CHD2: variants seen among roughly 807,000 people sequenced by gnomAD.
The protein encoded by CHD2 is ATP-dependent chromatin remodeler CHD2.
Under a neutral mutation model 243.9 loss-of-function variants are expected in CHD2, and 28 were observed. That is an observed-to-expected ratio of 0.11 (90% CI 0.09 to 0.16). The LOEUF is 0.16. Among genes scored for constraint, CHD2 ranks in the 10% least tolerant of loss-of-function variants. The probability of loss-of-function intolerance (pLI) is 1.00; values close to 1 mark genes in which losing one functional copy is unlikely to be tolerated. For synonymous variants in CHD2, 775 were observed against 779.0 expected, an observed-to-expected ratio of 0.99 and a Z score of 0.09; for missense variants, 1,386 against 2,209.8, an observed-to-expected ratio of 0.63 and a Z score of 7.47.
intron 5 of CHD2, among the ~76,000 whole-genome samples, chr15:92,929,369 C>A (rs989962927): frequency 3.9e-5 from 6 of 152,034 alleles, no homozygotes; most frequent in African/African-American, 2.4e-5. Flanking sequence ...ACCCAATTAG[C>A]CCATTGATTT....
At chr15:92,933,225 T>C (rs2053206965) in intron 5 of CHD2, among the ~76,000 whole-genome samples, 1 of 152,142 alleles carries the variant, frequency 6.6e-6, no homozygotes. Context: ...TTTTAAAGCT[T>C]AGAAGAAGTT....
At chr15:92,902,252 G>A (rs1424348940) in intron 2 of CHD2, 5 of 397,732 alleles carry the variant, frequency 1.3e-5, no homozygotes, top group Non-Finnish European at 1.3e-5. Context: ...ACATTCCTTG[G>A]AGTACCTTGT....
chr15:92,940,901 T>G (rs1009002538), intron 7 of CHD2, among the ~76,000 whole-genome samples: 19 of 86,642 alleles, frequency 2.2e-4, no homozygotes, highest in Non-Finnish European at 3.7e-4. Flanking sequence ...AAAATATATA[T>G]AAATATATAT....
At chr15:92,918,007 ACCAGTTCGGCCAT>A (rs1173289446) in intron 2 of CHD2, among the ~76,000 whole-genome samples, 2 of 152,236 alleles carry the variant, frequency 1.3e-5, no homozygotes, top group Non-Finnish European at 2.9e-5. Flanking sequence ...AGCTCTGCCA[ACCAGTTCGGCCAT>A]TTTGTAAGTT....
At chr15:92,913,977 A>G (rs1042121276) in intron 2 of CHD2, among the ~76,000 whole-genome samples, 3 of 152,232 alleles carry the variant, frequency 2.0e-5, no homozygotes, top group Admixed American at 1.3e-4. Context: ...TCTTACTCCC[A>G]TGACGTTATG....
chr15:92,984,002 T>G (rs1245576372), intron 24 of CHD2, among the ~76,000 whole-genome samples: 1 of 152,204 alleles, frequency 6.6e-6, no homozygotes, highest in Non-Finnish European at 1.5e-5. Flanking sequence ...TAAATAAATC[T>G]AAATTTTATC....
At chr15:92,930,569 C>T (rs534380046) in intron 5 of CHD2, among the ~76,000 whole-genome samples, 3 of 152,174 alleles carry the variant, frequency 2.0e-5, no homozygotes, top group African/African-American at 7.2e-5. Context: ...GCTGGGACTA[C>T]AGGCATGTGC....
rs1437599821 is a variant in CHD2 at position 93,024,678 on chromosome 15, T to G, written c.5460T>G (p.Asp1820Glu). The G allele has an allele frequency of 6.2e-7, 1 of 1,612,552 alleles. No individual in the cohort carries two copies. The highest frequency in any genetic ancestry group is 8.5e-7 in the Non-Finnish European group (1 of 1,179,156). The change falls in exon 39 of 39, where the codon GAT becomes GAG. Residue 1820 changes from aspartate (D) to glutamate (E), a missense_variant. Transcript: ENST00000394196. ...CACTAGAACAGAAAAACAACCCAGATTATAACTGGAATGTTCGGAAAACAT... is the reference window on the plus strand; with the variant it reads ...CACTAGAACAGAAAAACAACCCAGAGTATAACTGGAATGTTCGGAAAACAT... ...ERSLEQKNNP[D>E]YNWNVRKT
chr15:92,967,920 C>T (rs180741255), intron 17 of CHD2, among the ~76,000 whole-genome samples: 4 of 151,964 alleles, frequency 2.6e-5, no homozygotes, highest in African/African-American at 7.2e-5. Flanking sequence ...TGTATATCTC[C>T]GTTTGTGCAT....
chr15:92,911,739 A>G (rs552460115), intron 2 of CHD2, among the ~76,000 whole-genome samples: 1 of 152,186 alleles, frequency 6.6e-6, no homozygotes, highest in Non-Finnish European at 1.5e-5. Context: ...TGTCCCCCCA[A>G]CCCCTGCCCA....
At position 92,902,973 on chromosome 15, in the gene CHD2, T is replaced by A. The variant is rs142774772; in HGVS notation, c.62+1674T>A. On this transcript the variant is annotated intron_variant, in intron 2 of 38. Transcript: ENST00000394196. ...AACTACCTGGAAGTTGTCAGGCATTTGCTTACTGGTAGTGGAGGTTACAGC... is the reference window on the plus strand; with the variant it reads ...AACTACCTGGAAGTTGTCAGGCATTAGCTTACTGGTAGTGGAGGTTACAGC... 3.5e-3 allele frequency among the ~76,000 whole-genome samples: 536 copies of A among 152,338 alleles called. 2 individuals carry two copies. The highest frequency in any genetic ancestry group is 7.3e-3 in the Admixed American group (112 of 15,300).
At position 92,911,535 on chromosome 15, in the gene CHD2, C is replaced by G. The variant is rs190509281; in HGVS notation, c.62+10236C>G. Among the ~76,000 whole-genome samples, 831 of 152,146 alleles carry G rather than the reference C, an allele frequency of 5.5e-3. 7 individuals carry two copies. Among genetic ancestry groups the G allele is most frequent in the African/African-American group, 0.018 (768 of 41,526 alleles). On this transcript the variant is annotated intron_variant, in intron 2 of 38. Coordinates refer to ENST00000394196, the MANE Select transcript of CHD2 (RefSeq NM_001271.4). Reference sequence around the variant, plus strand: ...GGCAGATCACTTGAGGCCAGGAGTTCGAGACCAGCCTGGCCAACATGGTGA... The same window carrying G: ...GGCAGATCACTTGAGGCCAGGAGTTGGAGACCAGCCTGGCCAACATGGTGA...
At chr15:92,918,326 CTG>C (rs1325120291) in intron 2 of CHD2, among the ~76,000 whole-genome samples, 6 of 152,208 alleles carry the variant, frequency 3.9e-5, no homozygotes, top group South Asian at 4.1e-4. Flanking sequence ...TGATTGGAAT[CTG>C]AATTCCCAGT....
chr15:93,004,107 G>C (rs78320151), intron 33 of CHD2, among the ~76,000 whole-genome samples: 4,508 of 144,554 alleles, frequency 0.031, 122 homozygotes, highest in South Asian at 0.14. Flanking sequence ...CAGGATGACA[G>C]AGCGAGAATC....
intron 5 of CHD2, among the ~76,000 whole-genome samples, chr15:92,933,042 C>T (rs1353705087): frequency 7.1e-6 from 1 of 141,822 alleles, no homozygotes; most frequent in Admixed American, 7.0e-5. Flanking sequence ...GCGCCCGGCC[C>T]CTTTTTTTTT....
intron 3 of CHD2, among the ~76,000 whole-genome samples, chr15:92,924,887 G>A (rs1177867773): frequency 6.6e-6 from 1 of 152,004 alleles, no homozygotes; most frequent in Non-Finnish European, 1.5e-5. Flanking sequence ...TGCAATCTCC[G>A]CCTCCCAGGT....
At chr15:92,966,219 A>G (rs750775870) in intron 16 of CHD2, among the ~76,000 whole-genome samples, 13 of 151,558 alleles carry the variant, frequency 8.6e-5, no homozygotes, top group Non-Finnish European at 1.5e-4. Context: ...ACTTGCCACC[A>G]TGCCCAGCTA....
chr15:92,961,970 C>T (rs1014683151), intron 16 of CHD2, among the ~76,000 whole-genome samples: 3 of 145,024 alleles, frequency 2.1e-5, no homozygotes, highest in African/African-American at 7.5e-5. Context: ...CAACCTCCGC[C>T]TTCCAGTTTC....
In CHD2 at chr15:92,927,276, C is replaced by G. The variant is rs781612109; in HGVS notation, c.327C>G (p.Val109=). Residue 109 remains valine, a synonymous_variant, in exon 4 of 39, where the codon GTC becomes GTG. Transcript: ENST00000394196. ...MWEEYPDVYG[V]RRSNRSRQEP... ...AAGAATATCCTGATGTTTATGGGGT[C>G]AGGCGGTCAAACCGAAGCAGACAAG... 6.2e-7 allele frequency: 1 copy of G among 1,613,664 alleles called. No homozygotes were observed. Among genetic ancestry groups the G allele is most frequent in the African/African-American group, 1.3e-5 (1 of 74,984 alleles).
Sources: gnomAD v4.1 joint callset for allele counts (sites outside exome capture counted in the v4.1 genomes callset) on GRCh38, gnomAD v4.1.1 for gene constraint, MANE v1.5 for transcripts, NCBI Gene and HGNC (gene_info 2026-07-23, HGNC 2026-07-21) for gene names.